The following STIM2 variants were observed in gnomAD, a reference collection of about 807,000 sequenced individuals.
STIM2 encodes the protein stromal interaction molecule 2.
A neutral mutation model predicts 85.8 loss-of-function variants in STIM2; 31 were observed. The ratio of observed to expected loss-of-function variants is 0.36; its 90% CI spans 0.27 to 0.49. STIM2 has a LOEUF of 0.49. Ranked by LOEUF, STIM2 falls within the 20% of genes least tolerant of loss-of-function variation. The pLI, the probability that STIM2 is intolerant of heterozygous loss-of-function variation, is 0.98. For synonymous variants in STIM2, 356 were observed against 331.1 expected, an observed-to-expected ratio of 1.08 and a Z score of -0.82; for missense variants, 841 against 927.6, an observed-to-expected ratio of 0.91 and a Z score of 1.21.
intron 1 of STIM2, among the ~76,000 whole-genome samples, chr4:26,898,971 A>T (rs1723811366): frequency 6.6e-6 from 1 of 151,666 alleles, no homozygotes; most frequent in Non-Finnish European, 1.5e-5. Flanking sequence ...CCAAGTCTTT[A>T]TACCTTGGAT....
rs114866252 is a variant in STIM2, at chr4:26,912,990, A to G, written c.152-6514A>G. ...AACACCCCCGCCATTGACCGCCAGT[A>G]GCAGCTGAGAGAGGGTGAGTGAGCA... is the stretch of plus-strand genomic sequence containing the variant. On this transcript the variant is annotated intron_variant, in intron 1 of 11. Coordinates refer to ENST00000467087, the MANE Select transcript of STIM2 (RefSeq NM_020860.4). Among the ~76,000 whole-genome samples the G allele has an allele frequency of 4.0e-3, 603 of 152,274 alleles. 6 individuals carry two copies. The highest frequency in any genetic ancestry group is 0.014 in the African/African-American group (572 of 41,554).
At chr4:26,871,496 C>T (rs1050111879) in intron 1 of STIM2, among the ~76,000 whole-genome samples, 3 of 152,080 alleles carry the variant, frequency 2.0e-5, no homozygotes, top group Non-Finnish European at 4.4e-5. Context: ...AATATGACTC[C>T]TATAAAATAT....
intron 8 of STIM2, 119 bp from the exon 9 acceptor site, chr4:27,008,309 C>A: frequency 1.8e-6 from 1 of 563,962 alleles, no homozygotes. Context: ...TAGTAATTCT[C>A]TACTGGTTTT....
At chr4:26,951,234 C>T (rs1726036984) in intron 2 of STIM2, among the ~76,000 whole-genome samples, 2 of 152,146 alleles carry the variant, frequency 1.3e-5, no homozygotes, top group South Asian at 4.1e-4. Context: ...AGTAGAAATT[C>T]TTGGTTAAAG....
chr4:26,929,581 A>ATTCAG (rs1725124716), intron 2 of STIM2, among the ~76,000 whole-genome samples: 1 of 152,168 alleles, frequency 6.6e-6, no homozygotes, highest in African/African-American at 2.4e-5. Flanking sequence ...CTTTTCTAAA[A>ATTCAG]AAAATTCAGA....
chr4:26,937,429 A>G (rs1170711944), intron 2 of STIM2, among the ~76,000 whole-genome samples: 5 of 152,166 alleles, frequency 3.3e-5, no homozygotes, highest in Non-Finnish European at 7.3e-5. Flanking sequence ...TCAGCATCAC[A>G]GCACAGCATT....
intron 2 of STIM2, among the ~76,000 whole-genome samples, chr4:26,936,633 G>T (rs1451690768): frequency 2.0e-5 from 3 of 152,196 alleles, no homozygotes; most frequent in Non-Finnish European, 4.4e-5. Context: ...CATAGTTTCT[G>T]TGGAAAGATA....
intron 1 of STIM2, among the ~76,000 whole-genome samples, chr4:26,899,004 A>C (rs1560199837): frequency 6.6e-6 from 1 of 151,920 alleles, no homozygotes; most frequent in East Asian, 1.9e-4. Context: ...CTTACTGTAG[A>C]ATAGAACCTT....
At chr4:26,996,267 A>G (rs939901941) in intron 4 of STIM2, among the ~76,000 whole-genome samples, 1 of 152,018 alleles carries the variant, frequency 6.6e-6, no homozygotes, top group Non-Finnish European at 1.5e-5. Context: ...AATTTAATTA[A>G]CTTAATAATC....
chr4:26,996,321 T>A (rs1223294866), intron 4 of STIM2, among the ~76,000 whole-genome samples: 1 of 152,070 alleles, frequency 6.6e-6, no homozygotes, highest in African/African-American at 2.4e-5. Flanking sequence ...TCTACCAGAA[T>A]TTTTTACCCT....
chr4:26,943,387 T>C (rs768346970), intron 2 of STIM2, among the ~76,000 whole-genome samples: 9 of 152,186 alleles, frequency 5.9e-5, no homozygotes, highest in Non-Finnish European at 8.8e-5. Flanking sequence ...CATGAACTCA[T>C]GATTTTAAAT....
chr4:27,005,886 A>G (rs1728315850), intron 7 of STIM2, among the ~76,000 whole-genome samples: 1 of 152,222 alleles, frequency 6.6e-6, no homozygotes, highest in South Asian at 2.1e-4. Context: ...GAGTAACTTG[A>G]ATGAATTTTG....
At chr4:26,977,524 G>T (rs943454945) in intron 3 of STIM2, among the ~76,000 whole-genome samples, 1 of 152,160 alleles carries the variant, frequency 6.6e-6, no homozygotes, top group Non-Finnish European at 1.5e-5. Flanking sequence ...GAGGCTTCGC[G>T]TGAACTGGTG....
intron 2 of STIM2, among the ~76,000 whole-genome samples, chr4:26,923,565 C>A (rs1477319464): frequency 7.2e-6 from 1 of 138,712 alleles, no homozygotes; most frequent in Admixed American, 7.4e-5. Context: ...CCAGCCGCTG[C>A]AAAATCATGC....
rs926610531 is a variant in STIM2, at chr4:26,989,564, A to T, written c.398-5815A>T. ...CACTAAGATCTGAAACAAGACAAGGATGCCCACTTTCACCACTTTTATTCA... is the reference window on the plus strand; with the variant it reads ...CACTAAGATCTGAAACAAGACAAGGTTGCCCACTTTCACCACTTTTATTCA... On this transcript the variant is annotated intron_variant, in intron 3 of 11. Transcript: ENST00000467087. Among the ~76,000 whole-genome samples, 4 of 152,222 alleles carry T rather than the reference A, an allele frequency of 2.6e-5. No homozygotes were observed. In the South Asian group the frequency reaches 6.2e-4, roughly 24 times the overall value.
chr4:27,021,738 TAGTTG>T (rs1263999599), intron 11 of STIM2: 2 of 420,788 alleles, frequency 4.8e-6, no homozygotes, highest in Admixed American at 4.9e-5. Context: ...TGCAATCATT[TAGTTG>T]AGTTCCTGGC....
chr4:26,950,252 ACT>A (rs1381991523), intron 2 of STIM2, among the ~76,000 whole-genome samples: 1 of 152,134 alleles, frequency 6.6e-6, no homozygotes, highest in Non-Finnish European at 1.5e-5. Flanking sequence ...CTTTCAGTTG[ACT>A]CTGTTGAAAT....
intron 2 of STIM2, among the ~76,000 whole-genome samples, chr4:26,935,521 A>T (rs1472678324): frequency 6.6e-6 from 1 of 152,218 alleles, no homozygotes; most frequent in Non-Finnish European, 1.5e-5. Context: ...CTAAGGAGTA[A>T]ATAAATTGAT....
At chr4:26,961,456 C>A (rs951932061) in intron 3 of STIM2, among the ~76,000 whole-genome samples, 1 of 152,080 alleles carries the variant, frequency 6.6e-6, no homozygotes, top group African/African-American at 2.4e-5. Context: ...TACAGCAGCA[C>A]GTGCAGCAAA....
Sources: allele counts gnomAD v4.1 joint callset (sites outside exome capture counted in the v4.1 genomes callset), GRCh38; gene constraint gnomAD v4.1.1; transcripts MANE v1.5; gene names NCBI Gene and HGNC (gene_info 2026-07-23, HGNC 2026-07-21).